Variants in PRKCH observed in about 807,000 individuals in gnomAD.
PRKCH encodes protein kinase C eta type.
PRKCH carries 28 observed loss-of-function variants against 82.5 expected under a neutral mutation model. The observed-to-expected ratio is 0.34, with a 90% CI of 0.25 to 0.47. PRKCH has a LOEUF of 0.47. PRKCH is among the 20% of genes least tolerant of loss of function. PRKCH has a pLI of 1.00. For synonymous variants in PRKCH, 322 were observed against 327.4 expected (o/e 0.98, Z 0.18); for missense variants, 705 against 881.8 (o/e 0.80, Z 2.54).
Position 61,488,588 on chromosome 14 carries a change from C to T in PRKCH, c.1433+2932C>T, listed in dbSNP as rs115432303. Among the ~76,000 whole-genome samples, 1,063 of 152,272 alleles carry T rather than the reference C, an allele frequency of 7.0e-3. 12 individuals are homozygous for T. The highest frequency in any genetic ancestry group is 0.024 in the African/African-American group (992 of 41,550). On this transcript the variant is annotated intron_variant, in intron 10 of 13. Transcript: ENST00000332981. ...ATTTAGAGTACCATTACAGTGTCAG[C>T]TTCTTAGTCCTTTTTGGTGATAGGA... is the stretch of plus-strand genomic sequence containing the variant.
At chr14:61,461,793 A>C (rs563072332) in intron 9 of PRKCH, among the ~76,000 whole-genome samples, 1 of 152,388 alleles carries the variant, frequency 6.6e-6, no homozygotes, top group Non-Finnish European at 1.5e-5. Flanking sequence ...TAGCATATGC[A>C]ATCAAAATGT....
At chr14:61,542,152 T>C (rs891091377) in intron 12 of PRKCH, among the ~76,000 whole-genome samples, 6 of 151,852 alleles carry the variant, frequency 4.0e-5, no homozygotes, top group African/African-American at 1.5e-4. Flanking sequence ...TAGTCGGGCG[T>C]GGTGGTGCAC....
chr14:61,314,622 A>G (rs2045547747), intron 1 of PRKCH, among the ~76,000 whole-genome samples: 1 of 152,118 alleles, frequency 6.6e-6, no homozygotes, highest in African/African-American at 2.4e-5. Context: ...CAATCCCTGG[A>G]ATCTGTCTTA....
intron 2 of PRKCH, among the ~76,000 whole-genome samples, chr14:61,417,909 A>G (rs2140241581): frequency 1.3e-5 from 2 of 152,312 alleles, no homozygotes; most frequent in South Asian, 4.1e-4. Flanking sequence ...TGAGGAAGCC[A>G]CACATGGGTT....
intron 10 of PRKCH, among the ~76,000 whole-genome samples, chr14:61,514,929 A>T (rs2042801304): frequency 6.6e-6 from 1 of 152,226 alleles, no homozygotes; most frequent in Admixed American, 6.5e-5. Flanking sequence ...AGTGGCATTG[A>T]TATAAATTCT....
At chr14:61,399,048 A>G (rs1307444607) in intron 2 of PRKCH, among the ~76,000 whole-genome samples, 2 of 152,234 alleles carry the variant, frequency 1.3e-5, no homozygotes, top group African/African-American at 4.8e-5. Context: ...AAGAACATCC[A>G]TTAGAAATAC....
intron 10 of PRKCH, among the ~76,000 whole-genome samples, chr14:61,504,217 C>G (rs1025236185): frequency 9.2e-5 from 14 of 151,508 alleles, no homozygotes; most frequent in African/African-American, 2.7e-4. Flanking sequence ...TTGAGAGAGT[C>G]TCGCTCTGTT....
intron 12 of PRKCH, among the ~76,000 whole-genome samples, chr14:61,535,392 T>C (rs1427768929): frequency 6.6e-6 from 1 of 152,206 alleles, no homozygotes; most frequent in African/African-American, 2.4e-5. Context: ...AGCATTTATT[T>C]AACAGGCAGA....
intron 1 of PRKCH, among the ~76,000 whole-genome samples, chr14:61,340,680 T>A (rs1311619412): frequency 6.6e-6 from 1 of 152,176 alleles, no homozygotes; most frequent in South Asian, 2.1e-4. Flanking sequence ...AGGCCCGATA[T>A]CAGGTCCAGG....
intron 1 of PRKCH, among the ~76,000 whole-genome samples, chr14:61,323,464 GAGTTTAAT>G (rs998323156): frequency 6.6e-6 from 1 of 152,156 alleles, no homozygotes; most frequent in Non-Finnish European, 1.5e-5. Flanking sequence ...AGACTCTCAG[GAGTTTAAT>G]AGTTTAAGTT....
intron 11 of PRKCH, 137 bp downstream of exon 11, chr14:61,529,350 C>T: frequency 1.0e-6 from 1 of 957,528 alleles, no homozygotes; most frequent in Non-Finnish European, 1.4e-6. Context: ...CCTCTAGACT[C>T]ATTTATGGCT....
At chr14:61,257,722 C>A (rs1171884234) in intron 1 of PRKCH, among the ~76,000 whole-genome samples, 1 of 151,498 alleles carries the variant, frequency 6.6e-6, no homozygotes, top group Admixed American at 6.6e-5. Flanking sequence ...GTATTGTAAA[C>A]CTAGCTTCCT....
upstream of PRKCH, among the ~76,000 whole-genome samples, chr14:61,321,513 C>CCGGGCCG (rs1471132377): frequency 6.6e-6 from 1 of 152,174 alleles, no homozygotes; most frequent in African/African-American, 2.4e-5. The surrounding 1 kb of genome is among the most constrained non-coding windows in gnomAD (Gnocchi z 4.1). Context: ...CACCGCAGGG[C>CCGGGCCG]CGGGCCGCGG....
intron 1 of PRKCH, among the ~76,000 whole-genome samples, chr14:61,275,463 T>C (rs1416932996): frequency 6.6e-6 from 1 of 152,188 alleles, no homozygotes; most frequent in East Asian, 1.9e-4. Context: ...TCAGCCACTA[T>C]AATGGGAACT....
intron 7 of PRKCH, among the ~76,000 whole-genome samples, chr14:61,455,954 G>A (rs1039220706): frequency 6.6e-6 from 1 of 152,196 alleles, no homozygotes; most frequent in African/African-American, 2.4e-5. Flanking sequence ...TGGTGAGAGT[G>A]TAGATTGGTC....
intron 1 of PRKCH, chr14:61,298,422 C>A (rs750937939): frequency 6.6e-6 from 1 of 152,182 alleles, no homozygotes; most frequent in Non-Finnish European, 1.5e-5. Context: ...TCAGGATCAA[C>A]CTTCTCTTGC....
chr14:61,465,231 G>A (rs79970759), intron 9 of PRKCH, among the ~76,000 whole-genome samples: 3,615 of 152,234 alleles, frequency 0.024, 159 homozygotes, highest in African/African-American at 0.082. Context: ...GTTTGATATA[G>A]TTCCATTTGT....
intron 1 of PRKCH, among the ~76,000 whole-genome samples, chr14:61,211,742 G>T (rs765071204): frequency 1.3e-5 from 2 of 152,128 alleles, no homozygotes; most frequent in South Asian, 2.1e-4. Context: ...ACTGCCAAGT[G>T]CACCATGCAT....
chr14:61,256,632 G>C (rs1037462992), intron 1 of PRKCH, among the ~76,000 whole-genome samples: 4 of 152,148 alleles, frequency 2.6e-5, no homozygotes, highest in Admixed American at 6.5e-5. Flanking sequence ...TTGTTTTATT[G>C]AGATGTAAAA....
Sources: gnomAD v4.1 joint callset for allele counts (sites outside exome capture counted in the v4.1 genomes callset) on GRCh38, gnomAD v4.1.1 for gene constraint, Gnocchi (gnomAD v3.1) non-coding constraint, MANE v1.5 for transcripts, NCBI Gene and HGNC (gene_info 2026-07-23, HGNC 2026-07-21) for gene names.